TDRD12: variants seen among roughly 807,000 people sequenced by gnomAD.
TDRD12 encodes the protein tudor domain containing 12.
In TDRD12, 158 loss-of-function variants were observed where a neutral mutation model predicts 133.5. That is an observed-to-expected ratio of 1.18 (90% CI 1.04 to 1.35). The LOEUF (loss-of-function observed/expected upper bound fraction) is 1.35, where lower values mean the gene tolerates loss of function less well. TDRD12 is among the 40% of genes most tolerant of loss of function. The pLI is 0.00. For missense variants in TDRD12, 1,443 were observed against 1,321.3 expected, an observed-to-expected ratio of 1.09 and a Z score of -1.43; for synonymous variants, 460 against 477.9, an observed-to-expected ratio of 0.96 and a Z score of 0.49.
At chr19:32,797,845 T>C (rs1349960646) in exon 15 of TDRD12, 1 of 702,256 alleles carries the variant, frequency 1.4e-6, no homozygotes, top group Middle Eastern at 2.3e-4. Flanking sequence ...TATTAACAAT[T>C]GGGCTCCATA....
chr19:32,805,784 T>G (rs1036740513), intron 21 of TDRD12, among the ~76,000 whole-genome samples: 38 of 146,302 alleles, frequency 2.6e-4, no homozygotes, highest in Admixed American at 5.0e-4. Flanking sequence ...CAGGCTGGAG[T>G]GCAGTGGCAT....
intron 10 of TDRD12, among the ~76,000 whole-genome samples, chr19:32,774,321 T>C (rs891968272): frequency 1.3e-5 from 2 of 152,212 alleles, no homozygotes; most frequent in African/African-American, 4.8e-5. Flanking sequence ...ATATCTTCTC[T>C]CTTTACCTGT....
At chr19:32,786,069 G>A (rs747413003) in intron 11 of TDRD12, among the ~76,000 whole-genome samples, 3 of 152,280 alleles carry the variant, frequency 2.0e-5, no homozygotes, top group Admixed American at 2.0e-4. Flanking sequence ...GGCTGGTACC[G>A]ATTGTTCCTA....
chr19:32,762,717 C>A (rs1970185767), intron 8 of TDRD12, among the ~76,000 whole-genome samples: 1 of 152,104 alleles, frequency 6.6e-6, no homozygotes, highest in Non-Finnish European at 1.5e-5. Flanking sequence ...AAAGAATGAC[C>A]TAGTTTGTAT....
At chr19:32,777,291 A>C in intron 11 of TDRD12, 62 bp downstream of exon 11, 2 of 1,036,486 alleles carry the variant, frequency 1.9e-6, no homozygotes, top group Non-Finnish European at 2.8e-6. Flanking sequence ...ATTATAAACA[A>C]GAGAAATCTA....
chr19:32,800,888 T>C (rs1025013080), intron 18 of TDRD12, 116 bp downstream of exon 18: 7 of 1,084,602 alleles, frequency 6.5e-6, no homozygotes, highest in Middle Eastern at 2.1e-4. Flanking sequence ...TTTTACAAGT[T>C]TAACATCAAT....
At chr19:32,821,290 C>G, downstream of TDRD12, 1 of 719,878 alleles carries the variant, frequency 1.4e-6, no homozygotes, top group Non-Finnish European at 2.2e-6. Flanking sequence ...CAGGTCAGCC[C>G]CCAGTGTTTT....
chr19:32,734,593 G>A (rs1052563387), intron 2 of TDRD12, among the ~76,000 whole-genome samples: 15 of 151,674 alleles, frequency 9.9e-5, no homozygotes, highest in African/African-American at 3.4e-4. Context: ...GGCTGGTCAC[G>A]AACTCCTGGG....
At chr19:32,720,129 C>G (rs1245849088) in intron 1 of TDRD12, 33 bp downstream of exon 1, 1 of 1,544,168 alleles carries the variant, frequency 6.5e-7, no homozygotes, top group African/African-American at 1.4e-5. Flanking sequence ...CACGCCAGAC[C>G]CACGCAGTCC....
At chr19:32,766,676 G>A (rs1289833591) in intron 8 of TDRD12, among the ~76,000 whole-genome samples, 1 of 151,690 alleles carries the variant, frequency 6.6e-6, no homozygotes, top group African/African-American at 2.4e-5. Flanking sequence ...GCGCGGTGGT[G>A]CAATCTTGGC....
chr19:32,812,724 G>C (rs1179067671), intron 24 of TDRD12, among the ~76,000 whole-genome samples: 2 of 152,258 alleles, frequency 1.3e-5, no homozygotes, highest in Non-Finnish European at 2.9e-5. Context: ...TGTGGGAATG[G>C]AGAAAGGTTC....
intron 3 of TDRD12, among the ~76,000 whole-genome samples, chr19:32,739,367 G>A (rs1049745246): frequency 7.0e-6 from 1 of 142,644 alleles, no homozygotes; most frequent in Non-Finnish European, 1.5e-5. Flanking sequence ...CTATCACCTG[G>A]CTGCTCTCTG....
At chr19:32,781,014 C>G (rs1397738284) in intron 11 of TDRD12, among the ~76,000 whole-genome samples, 3 of 150,040 alleles carry the variant, frequency 2.0e-5, no homozygotes, top group African/African-American at 4.9e-5. Context: ...GCGATCTCAG[C>G]TCACTGCAAG....
downstream of TDRD12, among the ~76,000 whole-genome samples, chr19:32,821,415 TGA>T (rs1967391348): frequency 3.7e-5 from 5 of 136,858 alleles, no homozygotes; most frequent in East Asian, 1.2e-3. Context: ...TGTGTGCGTG[TGA>T]ACCACACCCA....
intron 20 of TDRD12, 21 bp downstream of exon 20, chr19:32,802,810 C>T: frequency 1.3e-6 from 2 of 1,536,304 alleles, no homozygotes; most frequent in South Asian, 1.2e-5. Context: ...TTTTTATTCT[C>T]TTCCATATTC....
chr19:32,756,127 GCACTTA>G (rs1409934357), exon 7 of TDRD12: 9 of 1,464,312 alleles, frequency 6.1e-6, no homozygotes, highest in African/African-American at 1.5e-5. Flanking sequence ...ACTCAATCCA[GCACTTA>G]CACTCTGGCC....
chr19:32,800,026 A>G (rs1334396028), intron 16 of TDRD12, 141 bp from the exon 17 acceptor site: 4 of 607,392 alleles, frequency 6.6e-6, no homozygotes, highest in Non-Finnish European at 1.1e-5. Flanking sequence ...GAGCCACCAC[A>G]CCTGGCCTTT....
rs368050411 is a variant in TDRD12 at position 32,757,086 on chromosome 19, G to A, written c.821G>A (p.Cys274Tyr). The A allele has an allele frequency of 1.0e-5, 16 of 1,551,888 alleles. No homozygotes were observed. In the African/African-American group the frequency reaches 2.0e-4, roughly 20 times the overall value. Residue 274 changes from cysteine (C) to tyrosine (Y), a missense_variant, in exon 8 of 28, where the codon TGC becomes TAC. Cys to Tyr is a radical substitution (Grantham distance 194). Coordinates refer to ENST00000444215, the Ensembl canonical transcript of TDRD12. Reference sequence around the variant, plus strand: ...GCACAATCTCTGCAACATACATGGTGCAAGGGTATTGTCGGTGACCTCAGG... The same window carrying A: ...GCACAATCTCTGCAACATACATGGTACAAGGGTATTGTCGGTGACCTCAGG...
intron 3 of TDRD12, among the ~76,000 whole-genome samples, chr19:32,739,225 C>T (rs1462971844): frequency 1.3e-5 from 2 of 152,172 alleles, no homozygotes; most frequent in Admixed American, 1.3e-4. Context: ...TCCCACTGTC[C>T]GTCCTGGCAG....
Sources: gnomAD v4.1 joint callset for allele counts (sites outside exome capture counted in the v4.1 genomes callset) on GRCh38, gnomAD v4.1.1 for gene constraint, MANE v1.5 for transcripts, NCBI Gene and HGNC (gene_info 2026-07-23, HGNC 2026-07-21) for gene names.